Variants in KAZN observed in about 807,000 individuals in gnomAD.
KAZN encodes the protein kazrin, periplakin interacting protein.
In KAZN, 40 loss-of-function variants were observed where a neutral mutation model predicts 87.4. That is an observed-to-expected ratio of 0.46 (90% CI 0.36 to 0.60). The LOEUF is 0.60. KAZN is among the 20% of genes least tolerant of loss of function. The pLI is 0.00. For synonymous variants in KAZN, 466 were observed against 458.3 expected (o/e 1.02, Z -0.22); for missense variants, 898 against 1,073.9 (o/e 0.84, Z 2.29).
intron 1 of KAZN, among the ~76,000 whole-genome samples, chr1:14,673,050 A>G (rs1481779970): frequency 6.6e-6 from 1 of 152,244 alleles, no homozygotes; most frequent in East Asian, 1.9e-4. Flanking sequence ...CTCCTGAAAC[A>G]AAAATGGTGT....
At chr1:14,185,381 T>C (rs926498717) in intron 2 of KAZN, among the ~76,000 whole-genome samples, 2 of 152,208 alleles carry the variant, frequency 1.3e-5, no homozygotes, top group African/African-American at 4.8e-5. Context: ...AAAGAAATAC[T>C]TATATGGATG....
intron 2 of KAZN, among the ~76,000 whole-genome samples, chr1:14,261,893 G>C (rs1035232514): frequency 1.3e-5 from 2 of 152,112 alleles, no homozygotes; most frequent in Admixed American, 6.6e-5. Flanking sequence ...AGCTGAAGGA[G>C]GTCATCCGAG....
At chr1:14,302,782 A>C (rs1251618993) in intron 2 of KAZN, among the ~76,000 whole-genome samples, 1 of 152,234 alleles carries the variant, frequency 6.6e-6, no homozygotes, top group Non-Finnish European at 1.5e-5. Context: ...AAATCTATAG[A>C]AACCAAAGGT....
At chr1:14,855,404 T>C (rs115687323) in intron 1 of KAZN, among the ~76,000 whole-genome samples, 2,624 of 152,302 alleles carry the variant, frequency 0.017, 87 homozygotes, top group African/African-American at 0.059. Context: ...GCCCCAGCTC[T>C]GCCCAACACC....
At chr1:14,130,267 G>GC (rs1557499332) in intron 1 of KAZN, among the ~76,000 whole-genome samples, 1 of 152,074 alleles carries the variant, frequency 6.6e-6, no homozygotes, top group African/African-American at 2.4e-5. Context: ...GTGGCTGGGG[G>GC]CCCCTCCATC....
At chr1:15,044,440 C>T (rs1453415973) in intron 4 of KAZN, among the ~76,000 whole-genome samples, 1 of 152,194 alleles carries the variant, frequency 6.6e-6, no homozygotes, top group East Asian at 1.9e-4. Context: ...CTCCTCCACA[C>T]ACCCCAGCCT....
intron 1 of KAZN, among the ~76,000 whole-genome samples, chr1:14,902,798 G>A (rs1307012066): frequency 6.6e-6 from 1 of 151,854 alleles, no homozygotes; most frequent in Admixed American, 6.6e-5. Flanking sequence ...AGGGGAGGGA[G>A]GATTTAGAAA....
At chr1:14,406,325 G>GAT (rs1663849486) in intron 2 of KAZN, among the ~76,000 whole-genome samples, 1 of 152,062 alleles carries the variant, frequency 6.6e-6, no homozygotes, top group Non-Finnish European at 1.5e-5. Context: ...AAGAAACTGT[G>GAT]ATATATATAC....
Position 15,060,422 on chromosome 1 carries a change from C to T in KAZN, c.1047+120C>T, listed in dbSNP as rs1295876965. 3.1e-6 allele frequency: 4 copies of T among 1,285,598 alleles called. No homozygotes were observed. The East Asian group carries it at 7.0e-5, about 22-fold the overall frequency. 79.6% of individuals were successfully genotyped at this position (1,285,598 alleles called of 1,614,324 possible). A position where few individuals can be genotyped will look rare whatever the true frequency, so the allele number is the denominator to read the frequency against. ...CTCGTCCACCCAGGGAGCACTCTGG[C>T]GAATGCATTTCCTGTTCTGTTCTTT... On this transcript the variant is annotated intron_variant, in intron 6 of 14. Coordinates refer to ENST00000376030, the MANE Select transcript of KAZN (RefSeq NM_201628.3).
intron 4 of KAZN, among the ~76,000 whole-genome samples, chr1:15,047,534 G>A (rs1673703261): frequency 6.6e-6 from 1 of 152,196 alleles, no homozygotes; most frequent in South Asian, 2.1e-4. Flanking sequence ...GCTTTGGGAG[G>A]CCAAAGCGGG....
chr1:14,505,066 G>T (rs551707480), intron 2 of KAZN, among the ~76,000 whole-genome samples: 1 of 152,114 alleles, frequency 6.6e-6, no homozygotes, highest in Non-Finnish European at 1.5e-5. Context: ...TCCCTTTTCT[G>T]CTTCTGTGTA....
chr1:14,202,727 A>G (rs748885374), intron 2 of KAZN, among the ~76,000 whole-genome samples: 3 of 152,128 alleles, frequency 2.0e-5, no homozygotes, highest in Non-Finnish European at 4.4e-5. Context: ...ATATTTTCAC[A>G]TTTCCCCTAT....
intron 1 of KAZN, among the ~76,000 whole-genome samples, chr1:14,896,546 T>A (rs1655297856): frequency 6.6e-6 from 1 of 152,210 alleles, no homozygotes; most frequent in South Asian, 2.1e-4. Flanking sequence ...AACTAATAGC[T>A]CTAACTGGTA....
chr1:14,140,842 G>A (rs1645219418), intron 1 of KAZN, among the ~76,000 whole-genome samples: 1 of 152,156 alleles, frequency 6.6e-6, no homozygotes, highest in Non-Finnish European at 1.5e-5. Flanking sequence ...GATCGGCTGG[G>A]AAGATGCCCT....
chr1:14,960,102 G>T (rs550614223), intron 1 of KAZN, among the ~76,000 whole-genome samples: 1 of 152,308 alleles, frequency 6.6e-6, no homozygotes, highest in East Asian at 1.9e-4. Context: ...CTCCTCGAGG[G>T]TATGTGTTTT....
In KAZN at chr1:14,076,603, A is replaced by G. The variant is rs529933779; in HGVS notation, c.92-103832A>G. The stretch of plus-strand genomic sequence containing the variant: ...CTAGTTCACATTTCTAGTTGTGACA[A>G]CCCAAAATGCTTCCAGATATGGCCA... On this transcript the variant is annotated intron_variant, in intron 1 of 16. Coordinates refer to the KAZN transcript ENST00000636203. Among the ~76,000 whole-genome samples, 6 of 152,208 alleles carry G rather than the reference A, an allele frequency of 3.9e-5. No individual in the cohort carries two copies. In the South Asian group the frequency reaches 1.2e-3, roughly 32 times the overall value.
chr1:14,329,677 C>T (rs1407708623), intron 2 of KAZN, among the ~76,000 whole-genome samples: 1 of 152,198 alleles, frequency 6.6e-6, no homozygotes, highest in Non-Finnish European at 1.5e-5. Flanking sequence ...ACCAGACAGA[C>T]CTCAGGTTGA....
chr1:14,016,951 G>T (rs1173827697), intron 1 of KAZN, among the ~76,000 whole-genome samples: 1 of 152,162 alleles, frequency 6.6e-6, no homozygotes, highest in African/African-American at 2.4e-5. Flanking sequence ...AAATGTCTTT[G>T]CTGCTTTGGC....
At position 14,040,048 on chromosome 1, in the gene KAZN, C is replaced by CGT. The variant is rs898236952; in HGVS notation, c.92-140375_92-140374dup. On this transcript the variant is annotated intron_variant, in intron 1 of 16. Coordinates refer to the KAZN transcript ENST00000636203. ...TGGTGGAAAAGGATGTGTGTGTGCA[C>CGT]GTGTGTGTGTGTGCACGTGTGTGTG... is the stretch of plus-strand genomic sequence containing the variant. Among the ~76,000 whole-genome samples the CGT allele has an allele frequency of 1.4e-3, 208 of 150,604 alleles. 1 individual carries two copies. The highest frequency in any genetic ancestry group is 4.9e-3 in the African/African-American group (199 of 41,020).
Sources: gnomAD v4.1 joint callset for allele counts (sites outside exome capture counted in the v4.1 genomes callset) on GRCh38, gnomAD v4.1.1 for gene constraint, MANE v1.5 for transcripts, NCBI Gene and HGNC (gene_info 2026-07-23, HGNC 2026-07-21) for gene names.